RETREG1: variants seen among roughly 807,000 people sequenced by gnomAD.
RETREG1 encodes the protein reticulophagy regulator 1.
Under a neutral mutation model 54.8 loss-of-function variants are expected in RETREG1, and 44 were observed. That is an observed-to-expected ratio of 0.80 (90% confidence interval 0.63 to 1.03). The LOEUF (loss-of-function observed/expected upper bound fraction) is 1.03. Ranked by LOEUF, RETREG1 falls within the 50% of genes least tolerant of loss-of-function variation. The pLI is 0.00. For synonymous variants in RETREG1, 217 were observed against 238.5 expected, an observed-to-expected ratio of 0.91 and a Z score of 0.83; for missense variants, 554 against 605.1, an observed-to-expected ratio of 0.92 and a Z score of 0.89.
At chr5:16,573,752 T>G (rs966651046) in intron 1 of RETREG1, among the ~76,000 whole-genome samples, 4 of 147,832 alleles carry the variant, frequency 2.7e-5, no homozygotes, top group African/African-American at 4.9e-5. Flanking sequence ...GTTTTTTTTT[T>G]TTTTTTTTTG....
At chr5:16,567,579 G>C (rs1042636318) in intron 2 of RETREG1, among the ~76,000 whole-genome samples, 1 of 152,176 alleles carries the variant, frequency 6.6e-6, no homozygotes, top group Non-Finnish European at 1.5e-5. Context: ...GGTTACAGAT[G>C]CTCCACAGGT....
chr5:16,614,961 T>C (rs1172405956), intron 1 of RETREG1, among the ~76,000 whole-genome samples: 4 of 152,114 alleles, frequency 2.6e-5, no homozygotes, highest in Non-Finnish European at 5.9e-5. Flanking sequence ...ACTAGCAACA[T>C]TGCTGGCCTC....
At position 16,561,088 on chromosome 5, in the gene RETREG1, C is replaced by T. The variant is rs1015169695; in HGVS notation, c.458+4675G>A. Among the ~76,000 whole-genome samples, 3 of 152,016 alleles carry T rather than the reference C, an allele frequency of 2.0e-5. No individual in the cohort carries two copies. Among genetic ancestry groups the T allele is most frequent in the Admixed American group, 6.6e-5 (1 of 15,266 alleles). ...CATTAACCAGATGAAAACCTGAGGC[C>T]GAAAGAGAAGTGAAGTTGGCAGGAC... On this transcript the variant is annotated intron_variant, in intron 3 of 8. Transcript: ENST00000306320. This position sits in a 1 kb window ranked among gnomAD's most constrained non-coding sequence, Gnocchi z 4.2.
chr5:16,525,187 T>G (rs1740668325), intron 3 of RETREG1, among the ~76,000 whole-genome samples: 2 of 149,600 alleles, frequency 1.3e-5, no homozygotes, highest in South Asian at 4.3e-4. Flanking sequence ...GGGGACACTG[T>G]GCTGACATGT....
At chr5:16,556,412 A>G (rs1991470) in intron 3 of RETREG1, among the ~76,000 whole-genome samples, 124,723 of 151,836 alleles carry the variant, frequency 0.82, 51,217 homozygotes, top group Middle Eastern at 0.87. Flanking sequence ...CTCCCGCCTC[A>G]GCCTCCCAAA....
intron 2 of RETREG1, among the ~76,000 whole-genome samples, chr5:16,566,388 T>C (rs1464722629): frequency 5.9e-5 from 9 of 151,666 alleles, no homozygotes; most frequent in Admixed American, 3.3e-4. Context: ...CACACACATA[T>C]ATACATATGC....
At chr5:16,602,082 C>T (rs1743069917) in intron 1 of RETREG1, among the ~76,000 whole-genome samples, 1 of 152,194 alleles carries the variant, frequency 6.6e-6, no homozygotes, top group African/African-American at 2.4e-5. Context: ...CATGTATTTC[C>T]TCTGTACTCT....
chr5:16,508,457 CT>C (rs1740047241), intron 3 of RETREG1: 2 of 963,350 alleles, frequency 2.1e-6, no homozygotes, highest in Admixed American at 4.1e-5. Flanking sequence ...AATTAAAGGA[CT>C]GCATTCTTCA....
chr5:16,566,574 T>C (rs1339513152), intron 2 of RETREG1, among the ~76,000 whole-genome samples: 1 of 152,248 alleles, frequency 6.6e-6, no homozygotes, highest in Non-Finnish European at 1.5e-5. Context: ...CTTATGTTTT[T>C]CAATATCCCC....
intron 1 of RETREG1, among the ~76,000 whole-genome samples, chr5:16,611,682 G>A (rs1163070195): frequency 1.3e-5 from 2 of 152,182 alleles, no homozygotes; most frequent in Non-Finnish European, 2.9e-5. Flanking sequence ...CTAGCAAATG[G>A]ATAAACAAAT....
chr5:16,569,807 AGGTAG>A lies in RETREG1; in HGVS notation c.427+2184_427+2188del, dbSNP rs374408226. Reference sequence around the variant, plus strand: ...ATGAGAAAATCACACTGGATTATCTAGGTAGGCCCCAAATGCAATCGTAAGTGTAC... The same window carrying A: ...ATGAGAAAATCACACTGGATTATCTAGCCCCAAATGCAATCGTAAGTGTAC... On this transcript the variant is annotated intron_variant, in intron 2 of 8. Coordinates refer to ENST00000306320, the MANE Select transcript of RETREG1 (RefSeq NM_001034850.3). 5.6e-3 allele frequency among the ~76,000 whole-genome samples: 850 copies of A among 152,356 alleles called. 3 individuals are homozygous for A. Among genetic ancestry groups the A allele is most frequent in the African/African-American group, 0.02 (816 of 41,588 alleles).
chr5:16,494,693 A>G lies in RETREG1; in HGVS notation c.459-11221T>C, dbSNP rs116217895. On this transcript the variant is annotated intron_variant, in intron 3 of 8. Coordinates refer to ENST00000306320, the MANE Select transcript of RETREG1 (RefSeq NM_001034850.3). ...CCTGCAGAACCATGAGCCAATTAAA[A>G]CTCTTTTCCTTATAGATTACCCAGT... is the stretch of plus-strand genomic sequence containing the variant. 5.9e-3 allele frequency among the ~76,000 whole-genome samples: 899 copies of G among 151,804 alleles called. 12 individuals are homozygous for G. Among genetic ancestry groups the G allele is most frequent in the African/African-American group, 0.021 (867 of 41,360 alleles).
At chr5:16,519,910 A>G (rs1299727623) in intron 3 of RETREG1, among the ~76,000 whole-genome samples, 4 of 152,184 alleles carry the variant, frequency 2.6e-5, no homozygotes, top group Admixed American at 1.3e-4. Flanking sequence ...AACAGCTGGA[A>G]CCACGTCTTT....
intron 3 of RETREG1, among the ~76,000 whole-genome samples, chr5:16,491,600 T>C (rs1352437344): frequency 6.6e-6 from 1 of 152,176 alleles, no homozygotes; most frequent in South Asian, 2.1e-4. Context: ...CTCATATGTA[T>C]AAAAATATAC....
Position 16,549,930 on chromosome 5 carries a change from G to A in RETREG1, c.458+15833C>T, listed in dbSNP as rs76280415. Among the ~76,000 whole-genome samples the A allele has an allele frequency of 3.8e-4, 58 of 152,298 alleles. 1 individual carries two copies. In the East Asian group the frequency reaches 8.1e-3, roughly 21 times the overall value. On this transcript the variant is annotated intron_variant, in intron 3 of 8. Transcript: ENST00000306320. ...GCAAAATCTGAGGTCTGTAGTCCAG[G>A]AGAAGTAAATAGTGAAAGTACTGCT...
At chr5:16,544,458 T>C (rs74938653) in intron 3 of RETREG1, among the ~76,000 whole-genome samples, 5,459 of 152,294 alleles carry the variant, frequency 0.036, 291 homozygotes, top group African/African-American at 0.12. Context: ...CTTTTGTGGA[T>C]CATCCCAATA....
intron 1 of RETREG1, among the ~76,000 whole-genome samples, chr5:16,604,814 C>T (rs1371695946): frequency 2.0e-5 from 3 of 152,212 alleles, no homozygotes; most frequent in South Asian, 4.1e-4. Context: ...ACAAAGAGCA[C>T]TACACTGAAT....
chr5:16,581,752 A>AAAT (rs1554023557), intron 1 of RETREG1, among the ~76,000 whole-genome samples: 1 of 151,690 alleles, frequency 6.6e-6, no homozygotes, highest in East Asian at 1.9e-4. Context: ...AAAGAAAAAA[A>AAAT]ACGATACATT....
intron 3 of RETREG1, among the ~76,000 whole-genome samples, chr5:16,493,386 A>G (rs1739330620): frequency 6.6e-6 from 1 of 152,228 alleles, no homozygotes; most frequent in Non-Finnish European, 1.5e-5. Context: ...AAATTCCATT[A>G]CTAGCATAGG....
Sources: gnomAD v4.1 joint callset for allele counts (sites outside exome capture counted in the v4.1 genomes callset) on GRCh38, gnomAD v4.1.1 for gene constraint, Gnocchi (gnomAD v3.1) non-coding constraint, MANE v1.5 for transcripts, NCBI Gene and HGNC (gene_info 2026-07-23, HGNC 2026-07-21) for gene names.